Variants in HPSE2 observed in about 807,000 individuals in gnomAD.
The protein encoded by HPSE2 is heparanase 2 (inactive).
A neutral mutation model predicts 60.5 loss-of-function variants in HPSE2; 38 were observed. The ratio of observed to expected loss-of-function variants is 0.63; its 90% confidence interval spans 0.48 to 0.82. HPSE2 has a LOEUF of 0.82. HPSE2 is among the 40% of genes least tolerant of loss of function. The pLI, the probability that HPSE2 is intolerant of heterozygous loss-of-function variation, is 0.00. For missense variants in HPSE2, 713 were observed against 740.4 expected (o/e 0.96, Z 0.43); for synonymous variants, 295 against 293.2 (o/e 1.01, Z -0.06).
intron 11 of HPSE2, among the ~76,000 whole-genome samples, chr10:98,466,652 C>T (rs1940550052): frequency 6.6e-6 from 1 of 151,870 alleles, no homozygotes; most frequent in Admixed American, 6.6e-5. Flanking sequence ...TTCTGCCTCA[C>T]CCACCTTCAG....
intron 3 of HPSE2, among the ~76,000 whole-genome samples, chr10:98,813,271 C>T (rs1951209906): frequency 1.3e-5 from 2 of 152,092 alleles, no homozygotes; most frequent in African/African-American, 4.8e-5. Flanking sequence ...GACATGTGAC[C>T]AGAACTTCAC....
At chr10:98,814,828 T>C (rs1255970328) in intron 3 of HPSE2, among the ~76,000 whole-genome samples, 13 of 152,232 alleles carry the variant, frequency 8.5e-5, no homozygotes, top group Admixed American at 8.5e-4. Flanking sequence ...CTTTGTCCCT[T>C]ACTCTTCATT....
chr10:98,925,037 C>T (rs1954409428), intron 3 of HPSE2, among the ~76,000 whole-genome samples: 2 of 152,160 alleles, frequency 1.3e-5, no homozygotes, highest in South Asian at 4.1e-4. Context: ...AGCAGCTGTG[C>T]TCTCCCTCCC....
At chr10:99,273,414 A>G in the HPSE2 span, among the ~76,000 whole-genome samples, 2 of 151,870 alleles carry the variant, frequency 1.3e-5, no homozygotes, top group East Asian at 3.9e-4. Context: ...AAACCTATTG[A>G]AATAAATAAA....
intron 3 of HPSE2, among the ~76,000 whole-genome samples, chr10:98,800,691 T>C (rs1950886039): frequency 6.6e-6 from 1 of 151,750 alleles, no homozygotes; most frequent in Admixed American, 6.6e-5. Context: ...ATCCAAAATC[T>C]GAACAGAAAA....
chr10:99,255,879 G>A, the HPSE2 span, among the ~76,000 whole-genome samples: 1 of 152,168 alleles, frequency 6.6e-6, no homozygotes, highest in Admixed American at 6.5e-5. Context: ...GACTGGGTAA[G>A]TTATAAAGAA....
chr10:99,179,308 T>C (rs952292067), intron 2 of HPSE2, among the ~76,000 whole-genome samples: 3 of 152,142 alleles, frequency 2.0e-5, no homozygotes, highest in East Asian at 3.8e-4. Context: ...GGTATTCAAA[T>C]AGGAAAAGAG....
intron 3 of HPSE2, among the ~76,000 whole-genome samples, chr10:99,117,094 T>G (rs1844723258): frequency 6.6e-6 from 1 of 152,094 alleles, no homozygotes; most frequent in African/African-American, 2.4e-5. Flanking sequence ...TACCTTTTTT[T>G]GCAATATACA....
At chr10:98,934,743 T>C (rs1016378128) in intron 3 of HPSE2, among the ~76,000 whole-genome samples, 4 of 143,812 alleles carry the variant, frequency 2.8e-5, no homozygotes, top group South Asian at 2.1e-4. Flanking sequence ...GAGAATCTGA[T>C]GATTATGTGC....
chr10:99,020,970 A>T (rs550528463), intron 3 of HPSE2, among the ~76,000 whole-genome samples: 84 of 152,350 alleles, frequency 5.5e-4, no homozygotes, highest in Non-Finnish European at 9.3e-4. Flanking sequence ...GAGTAGAGAC[A>T]GGGCTTTCTG....
At chr10:98,789,990 A>G (rs1035889879) in intron 3 of HPSE2, among the ~76,000 whole-genome samples, 1 of 152,154 alleles carries the variant, frequency 6.6e-6, no homozygotes, top group East Asian at 1.9e-4. Context: ...TGTCAGCTCT[A>G]CTAAAGGCTG....
At chr10:99,023,099 G>C (rs545063733) in intron 3 of HPSE2, among the ~76,000 whole-genome samples, 2 of 152,226 alleles carry the variant, frequency 1.3e-5, no homozygotes, top group African/African-American at 4.8e-5. Flanking sequence ...ACCTGCCTTA[G>C]GCTAGAGGAG....
chr10:98,832,949 T>A (rs1272714952), intron 3 of HPSE2, among the ~76,000 whole-genome samples: 1 of 152,182 alleles, frequency 6.6e-6, no homozygotes, highest in African/African-American at 2.4e-5. Context: ...ACGGCTGTTT[T>A]ATATGGCTAA....
chr10:98,827,578 G>A (rs1015759757), intron 3 of HPSE2, among the ~76,000 whole-genome samples: 1 of 152,120 alleles, frequency 6.6e-6, no homozygotes, highest in African/African-American at 2.4e-5. Flanking sequence ...AACAGAAAAG[G>A]GCAGAAAGAT....
chr10:98,975,005 A>T (rs932430117), intron 3 of HPSE2, among the ~76,000 whole-genome samples: 47 of 152,298 alleles, frequency 3.1e-4, no homozygotes, highest in Non-Finnish European at 2.5e-4. Context: ...GAAATGTGGG[A>T]TTTATCATCT....
chr10:98,793,929 T>C (rs914116213), intron 3 of HPSE2, among the ~76,000 whole-genome samples: 1 of 152,188 alleles, frequency 6.6e-6, no homozygotes, highest in Non-Finnish European at 1.5e-5. Flanking sequence ...ATATGAGTTC[T>C]GAGAAATCCA....
the HPSE2 span, among the ~76,000 whole-genome samples, chr10:99,266,772 G>A: frequency 9.2e-5 from 14 of 152,274 alleles, no homozygotes; most frequent in African/African-American, 3.4e-4. Context: ...CTCTAACAAA[G>A]CAGGTGCTAC....
intron 3 of HPSE2, among the ~76,000 whole-genome samples, chr10:98,754,515 G>A (rs1333523180): frequency 2.0e-5 from 3 of 151,628 alleles, no homozygotes; most frequent in Non-Finnish European, 4.4e-5. Context: ...GAGAACCCCT[G>A]TAAGATACTA....
intron 9 of HPSE2, among the ~76,000 whole-genome samples, chr10:98,602,996 C>A (rs1261778913): frequency 2.0e-5 from 3 of 152,084 alleles, no homozygotes; most frequent in Non-Finnish European, 4.4e-5. Context: ...AATAAAAAGA[C>A]AACACACAGA....
Sources: gnomAD v4.1 joint callset for allele counts (sites outside exome capture counted in the v4.1 genomes callset) on GRCh38, gnomAD v4.1.1 for gene constraint, MANE v1.5 for transcripts, NCBI Gene and HGNC (gene_info 2026-07-23, HGNC 2026-07-21) for gene names.